Variants in DNAH7 observed in about 807,000 individuals in gnomAD.
DNAH7 encodes axonemal beta dynein heavy chain 7.
In DNAH7, 397 loss-of-function variants were observed where a neutral mutation model predicts 444.6. The observed-to-expected ratio is 0.89, with a 90% CI of 0.82 to 0.97. DNAH7 has a LOEUF of 0.97. Ranked by LOEUF, DNAH7 falls within the 50% of genes least tolerant of loss-of-function variation. The probability of loss-of-function intolerance (pLI) is 0.00; values close to 1 mark genes in which losing one functional copy is unlikely to be tolerated. For missense variants in DNAH7, 4,902 were observed against 4,800.8 expected (o/e 1.02, Z -0.62); for synonymous variants, 1,636 against 1,624.4 (o/e 1.01, Z -0.17).
At chr2:195,992,327 C>A (rs562449724) in intron 12 of DNAH7, among the ~76,000 whole-genome samples, 1 of 152,184 alleles carries the variant, frequency 6.6e-6, no homozygotes, top group Non-Finnish European at 1.5e-5. Flanking sequence ...AGGGAGGAGA[C>A]CACAGGTGGA....
intron 51 of DNAH7, among the ~76,000 whole-genome samples, chr2:195,814,294 T>A (rs1012990920): frequency 2.0e-5 from 3 of 152,262 alleles, no homozygotes; most frequent in African/African-American, 4.8e-5. Flanking sequence ...AGATTTTAAT[T>A]GTTTTGAAAT....
At chr2:195,954,875 GT>G (rs1391341685) in intron 19 of DNAH7, among the ~76,000 whole-genome samples, 7 of 152,114 alleles carry the variant, frequency 4.6e-5, no homozygotes, top group African/African-American at 1.7e-4. Context: ...TGATGGGGTT[GT>G]TTTTTTCTTG....
At position 195,795,015 on chromosome 2, in the gene DNAH7, A is replaced by G. The variant is rs1696067817; in HGVS notation, c.10516-477T>C. On this transcript the variant is annotated intron_variant, in intron 56 of 64. Transcript: ENST00000312428. ...GGACTCTGTGATGGGTATATATGAT[A>G]CAATTCAACAGGTCATGAGAACAGT... Among the ~76,000 whole-genome samples the G allele has an allele frequency of 2.0e-5, 3 of 152,208 alleles. No individual in the cohort carries two copies. In the South Asian group the frequency reaches 6.2e-4, roughly 32 times the overall value.
intron 2 of DNAH7, among the ~76,000 whole-genome samples, chr2:196,054,231 T>G (rs1697662816): frequency 6.6e-6 from 1 of 152,212 alleles, no homozygotes; most frequent in Non-Finnish European, 1.5e-5. Context: ...ATTGTTTAAA[T>G]TATTTTTGGC....
rs764627328 is a variant in DNAH7, at chr2:195,876,672, C to T, written c.5989G>A (p.Glu1997Lys). 6.9e-6 allele frequency: 11 copies of T among 1,600,918 alleles called. No homozygotes were observed. Among genetic ancestry groups the T allele is most frequent in the Non-Finnish European group, 9.4e-6 (11 of 1,171,140 alleles). The change falls in exon 37 of 65, where the codon GAA becomes AAA. Residue 1997 changes from glutamate to lysine, a missense_variant. Physicochemically the swap from Glu to Lys is moderately conservative, Grantham distance 56. Transcript: ENST00000312428. The stretch of plus-strand genomic sequence containing the variant: ...TTAATTAGCAGAGGTTTGTAGATTT[C>T]CTTATTTAGTTGATTTAAAAGAAAA... ...TNFLLNQLNK[E>K]IYKPLLINFS...
At position 195,910,107 on chromosome 2, in the gene DNAH7, C is replaced by T; in HGVS notation, c.4024G>A (p.Ala1342Thr). The change falls in exon 25 of 65, where the codon GCA becomes ACA. Residue 1342 changes from alanine (A) to threonine (T), a missense_variant. Ala to Thr is a moderately conservative substitution (Grantham distance 58, BLOSUM62 0). Coordinates refer to ENST00000312428, the MANE Select transcript of DNAH7 (RefSeq NM_018897.3). ...ACACATTGTTTGGCTACAGCTTTTG[C>T]CAAATCCTTGGTAGTTTCAGTCTTC... ...TGKTETTKDL[A>T]KAVAKQCVVF... 1 of 1,613,892 alleles carries T rather than the reference C, an allele frequency of 6.2e-7. No homozygotes were observed. Among genetic ancestry groups the T allele is most frequent in the Non-Finnish European group, 8.5e-7 (1 of 1,179,874 alleles).
At chr2:195,782,236 CAAG>C (rs924667059) in intron 58 of DNAH7, among the ~76,000 whole-genome samples, 2 of 152,092 alleles carry the variant, frequency 1.3e-5, no homozygotes, top group Admixed American at 1.3e-4. Context: ...GTTGATTGTT[CAAG>C]AAGGAGTGCA....
At chr2:195,788,140 T>C (rs562611260) in intron 57 of DNAH7, among the ~76,000 whole-genome samples, 1 of 151,936 alleles carries the variant, frequency 6.6e-6, no homozygotes, top group Non-Finnish European at 1.5e-5. Flanking sequence ...AGCTCAAGGG[T>C]CAGCTTTAAA....
chr2:195,889,049 A>T, intron 31 of DNAH7, 68 bp from the exon 32 acceptor site: 1 of 1,415,388 alleles, frequency 7.1e-7, no homozygotes, highest in Non-Finnish European at 9.7e-7. Context: ...CAGTTCAATA[A>T]TATTATTTCA....
chr2:195,882,051 C>T (rs1701416113), intron 35 of DNAH7, 59 bp from the exon 36 acceptor site: 18 of 1,408,348 alleles, frequency 1.3e-5, no homozygotes, highest in Non-Finnish European at 1.8e-5. Context: ...AAGCTCTATA[C>T]TCCTGTGCCA....
Position 195,855,792 on chromosome 2 carries a change from T to C in DNAH7, c.8595+19A>G, listed in dbSNP as rs1234263132. The C allele has an allele frequency of 6.2e-7, 1 of 1,607,214 alleles. No homozygotes were observed. The highest frequency in any genetic ancestry group is 1.7e-5 in the Admixed American group (1 of 58,994). ...CGATAACTGAGAATTTGTCCATCTT[T>C]TTCTATATCAGCACACACCTGGTTT... is the stretch of plus-strand genomic sequence containing the variant. On this transcript the variant is annotated intron_variant, in intron 45 of 64. Transcript: ENST00000312428.
chr2:196,026,763 T>A lies in DNAH7; in HGVS notation c.664A>T (p.Ile222Leu), dbSNP rs532346983. Reference protein sequence around the residue: ...EDYLLSVRKSIVDFVLKDPRE... With the variant: ...EDYLLSVRKSLVDFVLKDPRE... ...TCAAAGCATAATACCAATTTACCTA[T>A]GGATTTCCTTACACTAAGAAGATAA... The change falls in exon 7 of 65, where the codon ATA (isoleucine) becomes TTA (leucine). Residue 222 changes from isoleucine (I) to leucine (L), a missense_variant. By Grantham distance (5) the Ile-to-Leu change is conservative. Transcript: ENST00000312428. The A allele has an allele frequency of 3.1e-6, 5 of 1,602,542 alleles. No homozygotes were observed. The East Asian group carries it at 1.1e-4, about 36-fold the overall frequency.
At chr2:195,797,578 G>A (rs1696217225) in intron 55 of DNAH7, among the ~76,000 whole-genome samples, 1 of 152,192 alleles carries the variant, frequency 6.6e-6, no homozygotes, top group Non-Finnish European at 1.5e-5. Context: ...CGTCAAGCTT[G>A]TGTTGACTAG....
intron 49 of DNAH7, among the ~76,000 whole-genome samples, chr2:195,822,956 T>C (rs1038519184): frequency 2.0e-5 from 3 of 152,218 alleles, no homozygotes; most frequent in Non-Finnish European, 2.9e-5. Context: ...AAGCATCTTA[T>C]GCAGATTAAT....
At chr2:195,794,144 G>T (rs1005179483) in intron 57 of DNAH7, among the ~76,000 whole-genome samples, 194 bp downstream of exon 57, 9 of 152,004 alleles carry the variant, frequency 5.9e-5, no homozygotes, top group African/African-American at 2.2e-4. Context: ...GAATGAGGCT[G>T]GTGCTAAAAT....
intron 19 of DNAH7, among the ~76,000 whole-genome samples, chr2:195,942,325 G>C (rs1190567472): frequency 6.6e-6 from 1 of 151,864 alleles, no homozygotes; most frequent in African/African-American, 2.4e-5. Flanking sequence ...CTCGGATACA[G>C]TGTGTTTGTT....
rs1288937085 is a variant in DNAH7 at position 195,855,773 on chromosome 2, C to T, written c.8595+38G>A. On this transcript the variant is annotated intron_variant, in intron 45 of 64. Transcript: ENST00000312428. Reference sequence around the variant, plus strand: ...CGAACATCATTCTTAGTTACGATAACTGAGAATTTGTCCATCTTTTTCTAT... The same window carrying T: ...CGAACATCATTCTTAGTTACGATAATTGAGAATTTGTCCATCTTTTTCTAT... 11 of 1,601,434 alleles carry T rather than the reference C, an allele frequency of 6.9e-6. No homozygotes were observed. The African/African-American group carries it at 1.3e-4, about 20-fold the overall frequency.
chr2:195,838,304 A>G (rs10174973), intron 47 of DNAH7, among the ~76,000 whole-genome samples: 85,082 of 151,858 alleles, frequency 0.56, 24,498 homozygotes, highest in Non-Finnish European at 0.64. Context: ...CCAGGATGCA[A>G]TCCAAAATTA....
intron 64 of DNAH7, among the ~76,000 whole-genome samples, chr2:195,739,504 AATT>A (rs1403075828): frequency 6.6e-6 from 1 of 152,190 alleles, no homozygotes; most frequent in African/African-American, 2.4e-5. Flanking sequence ...ATTGAATCTT[AATT>A]ATATTTTACA....
Sources: gnomAD v4.1 joint callset for allele counts (sites outside exome capture counted in the v4.1 genomes callset) on GRCh38, gnomAD v4.1.1 for gene constraint, MANE v1.5 for transcripts, NCBI Gene and HGNC (gene_info 2026-07-23, HGNC 2026-07-21) for gene names.